The following ADARB1 variants were observed in gnomAD, a reference collection of about 807,000 sequenced individuals.
The protein encoded by ADARB1 is adenosine deaminase RNA specific B1.
Under a neutral mutation model 52.4 loss-of-function variants are expected in ADARB1, and 10 were observed. That is an observed-to-expected ratio of 0.19 (90% CI 0.12 to 0.32). The LOEUF is 0.32. ADARB1 is among the 10% of genes least tolerant of loss of function. The pLI, the probability that ADARB1 is intolerant of heterozygous loss-of-function variation, is 1.00. For synonymous variants in ADARB1, 349 were observed against 371.1 expected (o/e 0.94, Z 0.68); for missense variants, 643 against 922.3 (o/e 0.70, Z 3.92).
At chr21:45,209,057 T>A (rs546229557) in intron 9 of ADARB1, among the ~76,000 whole-genome samples, 1 of 152,338 alleles carries the variant, frequency 6.6e-6, no homozygotes, top group East Asian at 1.9e-4. Context: ...CCCAATTTTT[T>A]AAAACAAATA....
chr21:45,126,200 C>A (rs421619), intron 1 of ADARB1, among the ~76,000 whole-genome samples: 33,305 of 152,138 alleles, frequency 0.22, 4,005 homozygotes, highest in South Asian at 0.29. Context: ...TTTCAGCCAC[C>A]TGAAATATGT....
At chr21:45,188,446 C>A (rs1391946354) in intron 8 of ADARB1, among the ~76,000 whole-genome samples, 1 of 152,122 alleles carries the variant, frequency 6.6e-6, no homozygotes, top group African/African-American at 2.4e-5. Flanking sequence ...ATTACTGACC[C>A]AATATTCTTA....
intron 4 of ADARB1, among the ~76,000 whole-genome samples, chr21:45,179,947 G>A (rs902231256): frequency 6.6e-6 from 1 of 152,112 alleles, no homozygotes; most frequent in South Asian, 2.1e-4. Context: ...GGGTGGGAGG[G>A]CCATACTAGG....
chr21:45,162,624 G>A (rs753602570), intron 2 of ADARB1, among the ~76,000 whole-genome samples: 81 of 152,198 alleles, frequency 5.3e-4, no homozygotes, highest in Non-Finnish European at 9.1e-4. Flanking sequence ...CCTGACTAGG[G>A]ACATGGGGAA....
rs9983291 is a variant in ADARB1 at position 45,222,182 on chromosome 21, C to T, written c.2091C>T (p.Phe697=). 1.6e-3 allele frequency: 2,475 copies of T among 1,587,630 alleles called. 31 individuals are homozygous for T. The African/African-American group carries it at 0.024, about 16-fold the overall frequency. The change falls in exon 11 of 11, where the codon TTC becomes TTT. Residue 697 remains phenylalanine, a synonymous_variant. Transcript: ENST00000348831. ...WVEKPTEQDQ[F]SLTP is the part of the protein sequence containing the mutation. ...AGAAGCCCACCGAGCAGGACCAGTT[C>T]TCACTCACGCCCTGACCCGGGCAGA...
intron 2 of ADARB1, among the ~76,000 whole-genome samples, chr21:45,130,113 A>G (rs1170506709): frequency 2.6e-5 from 4 of 152,216 alleles, no homozygotes; most frequent in Admixed American, 6.5e-5. Context: ...GAGGTTATTG[A>G]AAGAATGAGG....
chr21:45,185,238 C>T (rs945742411), intron 8 of ADARB1, 147 bp downstream of exon 8: 1 of 1,108,600 alleles, frequency 9.0e-7, no homozygotes. Flanking sequence ...GACTGAGGTT[C>T]TAAACAGGTG....
rs1171520286 is a variant in ADARB1, at chr21:45,223,137, G to C, written c.*940G>C. 1 of 985,316 alleles carries C rather than the reference G, an allele frequency of 1.0e-6. No individual in the cohort carries two copies. Among genetic ancestry groups the C allele is most frequent in the Admixed American group, 6.1e-5 (1 of 16,266 alleles). The allele number at this position is 985,316 out of a possible 1,614,324, so 61.0% of individuals were successfully genotyped here. On this transcript the variant is annotated 3_prime_UTR_variant, in exon 11 of 11. Transcript: ENST00000348831. ...TTCCCTCTGTTCCTTCCTCTGAATC[G>C]AATGGATGTGGGTGACCGCCCGAAG...
At chr21:45,216,469 T>C (rs1433529627) in intron 9 of ADARB1, among the ~76,000 whole-genome samples, 1 of 152,152 alleles carries the variant, frequency 6.6e-6, no homozygotes, top group Non-Finnish European at 1.5e-5. Flanking sequence ...CATTTTCACT[T>C]ATATTAAAAT....
intron 2 of ADARB1, among the ~76,000 whole-genome samples, chr21:45,167,871 C>G (rs368145833): frequency 6.6e-6 from 1 of 152,294 alleles, no homozygotes; most frequent in East Asian, 1.9e-4. Context: ...ATTGCTGAGT[C>G]ATGTGGTAGT....
At chr21:45,105,489 G>A (rs199659748) in intron 1 of ADARB1, among the ~76,000 whole-genome samples, 70 of 152,290 alleles carry the variant, frequency 4.6e-4, no homozygotes, top group Admixed American at 1.7e-3. Flanking sequence ...TACAAGAGGT[G>A]GAAGGCTGGT....
At chr21:45,198,369 AGACACTT>A (rs1328433234) in intron 8 of ADARB1, among the ~76,000 whole-genome samples, 2 of 152,196 alleles carry the variant, frequency 1.3e-5, no homozygotes, top group African/African-American at 4.8e-5. Context: ...GGAGAGTCCT[AGACACTT>A]CAGCACTGAT....
At chr21:45,177,864 T>C (rs2091765018) in intron 4 of ADARB1, among the ~76,000 whole-genome samples, 1 of 152,216 alleles carries the variant, frequency 6.6e-6, no homozygotes, top group Admixed American at 6.5e-5. Flanking sequence ...AAATAATATA[T>C]TCAAGGTATT....
intron 2 of ADARB1, among the ~76,000 whole-genome samples, chr21:45,167,074 G>A (rs958903236): frequency 6.6e-6 from 1 of 152,174 alleles, no homozygotes; most frequent in African/African-American, 2.4e-5. Flanking sequence ...TACAAGAGTT[G>A]GCATTCGTCA....
At chr21:45,163,363 C>A (rs1047152782) in intron 2 of ADARB1, among the ~76,000 whole-genome samples, 1 of 152,226 alleles carries the variant, frequency 6.6e-6, no homozygotes, top group Non-Finnish European at 1.5e-5. Flanking sequence ...TGGAAGCATC[C>A]ACGTTCTTCC....
Position 45,180,806 on chromosome 21 carries a change from C to T in ADARB1, c.1078+362C>T, listed in dbSNP as rs574773626. On this transcript the variant is annotated intron_variant, in intron 5 of 10. Coordinates refer to ENST00000348831, the MANE Select transcript of ADARB1 (RefSeq NM_001112.4). ...TTGTATCAGTTAATGTTAACGATGC[C>T]AGATAAGTTTCAGTGTGACTTCCTT... is the stretch of plus-strand genomic sequence containing the variant. Among the ~76,000 whole-genome samples, 3 of 152,248 alleles carry T rather than the reference C, an allele frequency of 2.0e-5. No homozygotes were observed. The South Asian group carries it at 6.2e-4, about 32-fold the overall frequency.
At chr21:45,095,297 G>A (rs1449065599) in intron 1 of ADARB1, among the ~76,000 whole-genome samples, 1 of 152,256 alleles carries the variant, frequency 6.6e-6, no homozygotes, top group East Asian at 1.9e-4. Flanking sequence ...TGATGCTCCG[G>A]CCTTTGCCGT....
chr21:45,149,369 C>T lies in ADARB1; in HGVS notation c.-48+20796C>T, dbSNP rs150164255. 4.4e-3 allele frequency among the ~76,000 whole-genome samples: 665 copies of T among 152,336 alleles called. 7 individuals are homozygous for T. The highest frequency in any genetic ancestry group is 8.0e-3 in the Admixed American group (123 of 15,304). The stretch of plus-strand genomic sequence containing the variant: ...ACAGCATCTGGGGGCACTCAGGTGG[C>T]CCTGCTGTCTCTGGGCCTGTCCCTG... On this transcript the variant is annotated intron_variant, in intron 2 of 10. Coordinates refer to ENST00000348831, the MANE Select transcript of ADARB1 (RefSeq NM_001112.4).
At chr21:45,180,801 G>A (rs767540925) in intron 5 of ADARB1, among the ~76,000 whole-genome samples, 4 of 152,200 alleles carry the variant, frequency 2.6e-5, no homozygotes, top group Non-Finnish European at 5.9e-5. Context: ...TAATGTTAAC[G>A]ATGCCAGATA....
Sources: gnomAD v4.1 joint callset for allele counts (sites outside exome capture counted in the v4.1 genomes callset) on GRCh38, gnomAD v4.1.1 for gene constraint, MANE v1.5 for transcripts, NCBI Gene and HGNC (gene_info 2026-07-23, HGNC 2026-07-21) for gene names.